Variants in ENPP1 observed in about 807,000 individuals in gnomAD.
ENPP1 encodes ectonucleotide pyrophosphatase/phosphodiesterase family member 1.
ENPP1 carries 73 observed loss-of-function variants against 122.8 expected under a neutral mutation model. The observed-to-expected ratio is 0.59, with a 90% CI of 0.49 to 0.72. The LOEUF is 0.72. ENPP1 is among the 30% of genes least tolerant of loss of function. The pLI, the probability that ENPP1 is intolerant of heterozygous loss-of-function variation, is 0.00. For missense variants in ENPP1, 978 were observed against 1,128.1 expected (o/e 0.87, Z 1.91); for synonymous variants, 367 against 391.6 (o/e 0.94, Z 0.74).
Position 131,890,331 on chromosome 6 carries a change from A to G in ENPP1, c.2608-10A>G, listed in dbSNP as rs776514882. ...TGGTAACTTTTCTTTTATATTTCCTATTCTCCTAGCATGGGAAGCATGACT... is the reference window on the plus strand; with the variant it reads ...TGGTAACTTTTCTTTTATATTTCCTGTTCTCCTAGCATGGGAAGCATGACT... On this transcript the variant is annotated splice_polypyrimidine_tract_variant and intron_variant, in intron 24 of 24. Coordinates refer to ENST00000647893, the MANE Select transcript of ENPP1 (RefSeq NM_006208.3). The G allele has an allele frequency of 6.2e-7, 1 of 1,611,770 alleles. No individual in the cohort carries two copies. The highest frequency in any genetic ancestry group is 8.5e-7 in the Non-Finnish European group (1 of 1,177,846).
In ENPP1 at chr6:131,854,926, G is replaced by C. The variant is rs1170224219; in HGVS notation, c.618G>C (p.Gly206=). 2.5e-6 allele frequency: 4 copies of C among 1,610,512 alleles called. No individual in the cohort carries two copies. Among genetic ancestry groups the C allele is most frequent in the Non-Finnish European group, 3.4e-6 (4 of 1,177,124 alleles). The part of the protein sequence containing the change: ...ESINEPQCPA[G]FETPPTLLFS... Reference sequence around the variant, plus strand: ...TTTTTTTTTCTTTTTCATTACCCAGGTTTGAAACGCCTCCTACCCTCTTAT... The same window carrying C: ...TTTTTTTTTCTTTTTCATTACCCAGCTTTGAAACGCCTCCTACCCTCTTAT... Residue 206 remains glycine, a splice_region_variant and synonymous_variant, in exon 6 of 25, where the codon GGG becomes GGC. Transcript: ENST00000647893.
At chr6:131,845,520 G>C (rs1341630188) in intron 1 of ENPP1, among the ~76,000 whole-genome samples, 2 of 147,066 alleles carry the variant, frequency 1.4e-5, no homozygotes, top group Non-Finnish European at 3.0e-5. Flanking sequence ...GCAGTGGTGC[G>C]ATCTGTGCTC....
intron 1 of ENPP1, chr6:131,827,826 A>C: frequency 8.2e-7 from 1 of 1,214,420 alleles, no homozygotes. Flanking sequence ...AATCTATGTC[A>C]GTTGAACACC....
chr6:131,844,188 TGTGAGA>T (rs1468565743), intron 1 of ENPP1, among the ~76,000 whole-genome samples: 1 of 152,226 alleles, frequency 6.6e-6, no homozygotes, highest in Admixed American at 6.5e-5. Flanking sequence ...TTTGGCCACT[TGTGAGA>T]GTACAGTTAG....
intron 20 of ENPP1, among the ~76,000 whole-genome samples, chr6:131,881,633 C>G (rs1459744509): frequency 6.6e-6 from 1 of 152,066 alleles, no homozygotes; most frequent in Non-Finnish European, 1.5e-5. Flanking sequence ...CCTGTAATCC[C>G]AACACTTTGG....
At position 131,864,894 on chromosome 6, in the gene ENPP1, G is replaced by C; in HGVS notation, c.1120G>C (p.Glu374Gln). 3.1e-6 allele frequency: 5 copies of C among 1,606,030 alleles called. No individual in the cohort carries two copies. Among genetic ancestry groups the C allele is most frequent in the Non-Finnish European group, 4.3e-6 (5 of 1,172,860 alleles). ...RPHFYTLYLEEPDSSGHSYGP... is the reference protein window; with the variant it reads ...RPHFYTLYLEQPDSSGHSYGP... ...ACACTTTTACACTCTGTATTTAGAA[G>C]AACCAGATTCTTCAGGTCATTCATA... Residue 374 changes from glutamate to glutamine, a missense_variant, in exon 11 of 25, where the codon GAA becomes CAA. Coordinates refer to ENST00000647893, the MANE Select transcript of ENPP1 (RefSeq NM_006208.3).
chr6:131,815,480 G>C (rs1781402148), intron 1 of ENPP1, among the ~76,000 whole-genome samples: 2 of 152,054 alleles, frequency 1.3e-5, no homozygotes, highest in Admixed American at 1.3e-4. Context: ...CTTTCTCAGG[G>C]ATACGTAGCT....
intron 1 of ENPP1, among the ~76,000 whole-genome samples, chr6:131,818,695 C>G (rs1481679272): frequency 6.6e-6 from 1 of 151,890 alleles, no homozygotes; most frequent in East Asian, 1.9e-4. Context: ...TAATCTGAAA[C>G]CTAGATTACC....
chr6:131,851,301 T>C, intron 4 of ENPP1, 34 bp downstream of exon 4: 1 of 1,613,898 alleles, frequency 6.2e-7, no homozygotes, highest in Non-Finnish European at 8.5e-7. Context: ...AGCAGCCTGG[T>C]ATCTTCCAGC....
intron 1 of ENPP1, among the ~76,000 whole-genome samples, chr6:131,815,102 G>T (rs1335339407): frequency 2.0e-5 from 3 of 152,160 alleles, no homozygotes; most frequent in African/African-American, 4.8e-5. Context: ...TTTTATTTGG[G>T]TATAGGGAGA....
rs535038749 is a variant in ENPP1, at chr6:131,839,673, A to G, written c.241-8103A>G. ...GACAAAATAACTTGTAAGCCCATCCATCAAGTGTAGATTTATGTATAACCA... is the reference window on the plus strand; with the variant it reads ...GACAAAATAACTTGTAAGCCCATCCGTCAAGTGTAGATTTATGTATAACCA... On this transcript the variant is annotated intron_variant, in intron 1 of 24. Coordinates refer to ENST00000647893, the MANE Select transcript of ENPP1 (RefSeq NM_006208.3). 7.9e-5 allele frequency among the ~76,000 whole-genome samples: 12 copies of G among 152,350 alleles called. 1 individual carries two copies. Among genetic ancestry groups the G allele is most frequent in the South Asian group, 6.2e-4 (3 of 4,824 alleles).
At chr6:131,830,493 C>T (rs955983174) in intron 1 of ENPP1, among the ~76,000 whole-genome samples, 2 of 152,084 alleles carry the variant, frequency 1.3e-5, no homozygotes, top group Admixed American at 1.3e-4. Flanking sequence ...GACCACAGTG[C>T]CCATCACAGG....
At chr6:131,826,145 G>T in intron 1 of ENPP1, 1 of 850,844 alleles carries the variant, frequency 1.2e-6, no homozygotes, top group Non-Finnish European at 2.1e-6. Flanking sequence ...AGATGAGTAA[G>T]GTTTGACAGC....
intron 1 of ENPP1, among the ~76,000 whole-genome samples, chr6:131,835,645 G>A (rs1781664634): frequency 6.6e-6 from 1 of 152,170 alleles, no homozygotes; most frequent in East Asian, 1.9e-4. Flanking sequence ...TGCCATGGTG[G>A]TTTCCCGTAC....
Position 131,883,775 on chromosome 6 carries a change from G to A in ENPP1, c.2311+1G>A, listed in dbSNP as rs769383342. The A allele has an allele frequency of 2.1e-6, 3 of 1,403,818 alleles. No homozygotes were observed. The highest frequency in any genetic ancestry group is 1.7e-5 in the Admixed American group (1 of 59,656). 87.0% of individuals were successfully genotyped at this position (1,403,818 alleles called of 1,614,324 possible). A position where few individuals can be genotyped will look rare whatever the true frequency, so the allele number is the denominator to read the frequency against. ...GTGCCAATGTACCAGAGTTTTCAAG[G>A]TAAATAATGTTAACTCTATATTTGA... is the stretch of plus-strand genomic sequence containing the variant. On this transcript the variant is annotated splice_donor_variant, in intron 22 of 24. Transcript: ENST00000647893. LOFTEE classifies it high-confidence loss of function.
chr6:131,834,635 G>A (rs1054441743), intron 1 of ENPP1, among the ~76,000 whole-genome samples: 1 of 150,850 alleles, frequency 6.6e-6, no homozygotes, highest in African/African-American at 2.4e-5. Context: ...GGTTCAAGCA[G>A]TTCTCCTGCC....
intron 1 of ENPP1, chr6:131,828,087 C>T: frequency 6.5e-6 from 4 of 620,106 alleles, no homozygotes; most frequent in Middle Eastern, 2.8e-4. Context: ...AGCTGTTTCT[C>T]GTAACAGACA....
At chr6:131,837,254 G>A (rs759828939) in intron 1 of ENPP1, among the ~76,000 whole-genome samples, 4 of 148,602 alleles carry the variant, frequency 2.7e-5, no homozygotes, top group Non-Finnish European at 6.0e-5. Flanking sequence ...GGCCAGACAC[G>A]ATGGCTCATG....
At position 131,892,245 on chromosome 6, in the gene ENPP1, A is replaced by G. The variant is rs370530850; in HGVS notation, c.*1734A>G. Reference sequence around the variant, plus strand: ...TTTTTAGGTATTATGTTATGAGACTATGGGTCTTATTTAAACCTTCTGCTT... The same window carrying G: ...TTTTTAGGTATTATGTTATGAGACTGTGGGTCTTATTTAAACCTTCTGCTT... On this transcript the variant is annotated 3_prime_UTR_variant, in exon 25 of 25. Transcript: ENST00000647893. 6.6e-6 allele frequency: 1 copy of G among 152,146 alleles called. No homozygotes were observed. Among genetic ancestry groups the G allele is most frequent in the Non-Finnish European group, 1.5e-5 (1 of 68,024 alleles). 9.4% of individuals were successfully genotyped at this position (152,146 alleles called of 1,614,324 possible).
Sources: allele counts gnomAD v4.1 joint callset (sites outside exome capture counted in the v4.1 genomes callset), GRCh38; gene constraint gnomAD v4.1.1; transcripts MANE v1.5; gene names NCBI Gene and HGNC (gene_info 2026-07-23, HGNC 2026-07-21).